The following LRRC49 variants were observed in gnomAD, a reference collection of about 807,000 sequenced individuals.
LRRC49 encodes leucine rich repeat containing 49.
A neutral mutation model predicts 83.3 loss-of-function variants in LRRC49; 50 were observed. The observed-to-expected ratio is 0.60, with a 90% confidence interval of 0.48 to 0.76. The LOEUF (loss-of-function observed/expected upper bound fraction) is 0.76, where lower values mean the gene tolerates loss of function less well. Ranked by LOEUF, LRRC49 falls within the 30% of genes least tolerant of loss-of-function variation. The pLI, the probability that LRRC49 is intolerant of heterozygous loss-of-function variation, is 0.00. For missense variants in LRRC49, 704 were observed against 809.1 expected, an observed-to-expected ratio of 0.87 and a Z score of 1.58; for synonymous variants, 286 against 283.3, an observed-to-expected ratio of 1.01 and a Z score of -0.10.
chr15:70,871,596 G>A (rs2033040324), intron 1 of LRRC49, among the ~76,000 whole-genome samples: 2 of 150,534 alleles, frequency 1.3e-5, no homozygotes, highest in South Asian at 2.1e-4. Flanking sequence ...CCCACCTCCT[G>A]GACGGGGTGG....
rs559473955 is a variant in LRRC49, at chr15:71,053,173, T to A, written c.*3561T>A. The A allele has an allele frequency of 1.3e-5, 2 of 152,274 alleles. No individual in the cohort carries two copies. The highest frequency in any genetic ancestry group is 4.1e-4 in the South Asian group (2 of 4,822). 9.4% of individuals were successfully genotyped at this position (152,274 alleles called of 1,614,324 possible). On this transcript the variant is annotated 3_prime_UTR_variant, in exon 16 of 16. Coordinates refer to ENST00000260382, the MANE Select transcript of LRRC49 (RefSeq NM_017691.5). Reference sequence around the variant, plus strand: ...TGCATTATTCTAGGCAAGAGATAATTGTGACTTGGATCAAGGTGATAGCGG... The same window carrying A: ...TGCATTATTCTAGGCAAGAGATAATAGTGACTTGGATCAAGGTGATAGCGG...
intron 14 of LRRC49, among the ~76,000 whole-genome samples, chr15:71,014,086 C>T (rs567246746): frequency 1.3e-5 from 2 of 152,010 alleles, no homozygotes; most frequent in South Asian, 4.2e-4. Context: ...CCAAGTGTAT[C>T]GGATTGATGG....
At chr15:70,971,373 A>C (rs2036992032) in intron 9 of LRRC49, among the ~76,000 whole-genome samples, 1 of 150,288 alleles carries the variant, frequency 6.7e-6, no homozygotes, top group Non-Finnish European at 1.5e-5. Flanking sequence ...ATTCTTTTGC[A>C]TGTTTTACTT....
chr15:70,943,525 T>C (rs2035897655), intron 8 of LRRC49, among the ~76,000 whole-genome samples: 1 of 152,210 alleles, frequency 6.6e-6, no homozygotes, highest in South Asian at 2.1e-4. Flanking sequence ...CCTTCTCCCC[T>C]GATTCTTCCC....
At chr15:70,988,145 A>G (rs549814795) in intron 11 of LRRC49, among the ~76,000 whole-genome samples, 1,698 of 115,870 alleles carry the variant, frequency 0.015, no homozygotes, top group South Asian at 0.028. Flanking sequence ...GTAGATGTCT[A>G]TTAGGTCTGC....
At chr15:70,853,979 CCCT>C (rs1409105049) in intron 1 of LRRC49, 5 of 1,462,668 alleles carry the variant, frequency 3.4e-6, no homozygotes, top group South Asian at 1.3e-5. Context: ...AGTCTCCGCC[CCCT>C]CCTCCTCGTC....
chr15:70,907,780 C>A (rs1042146538), intron 5 of LRRC49: 3 of 357,998 alleles, frequency 8.4e-6, no homozygotes, highest in African/African-American at 6.4e-5. Context: ...ATGGGTGAGC[C>A]TCATCTTTTT....
At chr15:70,955,861 A>G (rs758234265) in intron 8 of LRRC49, among the ~76,000 whole-genome samples, 1 of 152,266 alleles carries the variant, frequency 6.6e-6, no homozygotes, top group Admixed American at 6.5e-5. Context: ...ATATTTGATC[A>G]TATATTATAC....
At chr15:70,922,537 G>A (rs186738563) in intron 7 of LRRC49, among the ~76,000 whole-genome samples, 2 of 152,190 alleles carry the variant, frequency 1.3e-5, no homozygotes, top group East Asian at 3.9e-4. Context: ...GAAGGGTAGT[G>A]GGGGGTTGAG....
chr15:70,910,574 C>A (rs1224717765), intron 5 of LRRC49, among the ~76,000 whole-genome samples: 1 of 151,998 alleles, frequency 6.6e-6, no homozygotes, highest in East Asian at 1.9e-4. Context: ...GCCATTGCTC[C>A]CATCTGGCAT....
intron 7 of LRRC49, 182 bp from the exon 8 acceptor site, chr15:70,936,579 A>G: frequency 3.6e-6 from 2 of 555,744 alleles, no homozygotes; most frequent in Non-Finnish European, 6.4e-6. Context: ...CTGCGGATGT[A>G]CTGAAACCCT....
At position 70,886,078 on chromosome 15, in the gene LRRC49, C is replaced by T. The variant is rs114936969; in HGVS notation, c.19-7506C>T. Among the ~76,000 whole-genome samples the T allele has an allele frequency of 4.8e-3, 725 of 152,008 alleles. 9 individuals carry two copies. Among genetic ancestry groups the T allele is most frequent in the African/African-American group, 0.017 (705 of 41,462 alleles). On this transcript the variant is annotated intron_variant, in intron 2 of 16. Coordinates refer to the LRRC49 transcript ENST00000544974. The stretch of plus-strand genomic sequence containing the variant: ...AATTAAAAAATATACTTCTAATTAA[C>T]CCACGAATAAAAGATAAAATCACAA...
chr15:70,891,952 G>A (rs762642405), upstream of LRRC49: 7 of 1,613,622 alleles, frequency 4.3e-6, no homozygotes, highest in East Asian at 2.2e-5. Context: ...TGTCCAGGCG[G>A]CCTGCTTGGT....
chr15:70,891,128 C>G (rs964172641), upstream of LRRC49, among the ~76,000 whole-genome samples: 2 of 152,232 alleles, frequency 1.3e-5, no homozygotes, highest in Non-Finnish European at 2.9e-5. Flanking sequence ...GGTGGCAAGG[C>G]TGAAGTTTAT....
chr15:70,995,107 C>G (rs2038032154), intron 11 of LRRC49, among the ~76,000 whole-genome samples: 1 of 151,880 alleles, frequency 6.6e-6, no homozygotes, highest in Non-Finnish European at 1.5e-5. Context: ...AACAAAGAGA[C>G]AAGGGATCAA....
intron 9 of LRRC49, among the ~76,000 whole-genome samples, chr15:70,974,235 A>G (rs1005112799): frequency 1.3e-5 from 2 of 152,238 alleles, no homozygotes; most frequent in African/African-American, 4.8e-5. Context: ...CCAGAAAAGA[A>G]TTAGTTTCCT....
At chr15:70,930,346 C>G (rs1035009431) in intron 7 of LRRC49, among the ~76,000 whole-genome samples, 4 of 152,090 alleles carry the variant, frequency 2.6e-5, no homozygotes, top group African/African-American at 9.7e-5. Context: ...TTTTCCTGAG[C>G]AGATCTCAAT....
At position 70,882,429 on chromosome 15, in the gene LRRC49, C is replaced by T. The variant is rs774956626; in HGVS notation, c.18+9206C>T. 3 of 1,563,100 alleles carry T rather than the reference C, an allele frequency of 1.9e-6. No individual in the cohort carries two copies. The Admixed American group carries it at 5.1e-5, about 27-fold the overall frequency. ...AGTAAAGATTTGAAAATCTATAGCA[C>T]ATCAGAGCATTTGATGTTGAGTTTT... On this transcript the variant is annotated intron_variant, in intron 2 of 16. Transcript: ENST00000544974.
intron 9 of LRRC49, among the ~76,000 whole-genome samples, chr15:70,976,343 G>A (rs932306077): frequency 2.6e-5 from 4 of 152,114 alleles, no homozygotes; most frequent in Admixed American, 6.5e-5. Flanking sequence ...CTCTTTGAGG[G>A]AAAAAACCCT....
Sources: allele counts gnomAD v4.1 joint callset (sites outside exome capture counted in the v4.1 genomes callset), GRCh38; gene constraint gnomAD v4.1.1; transcripts MANE v1.5; gene names NCBI Gene and HGNC (gene_info 2026-07-23, HGNC 2026-07-21).